RIMS2: variants seen among roughly 807,000 people sequenced by gnomAD.
RIMS2 encodes the protein regulating synaptic membrane exocytosis 2, also known as regulating synaptic membrane exocytosis protein 2.
In RIMS2, 59 loss-of-function variants were observed where a neutral mutation model predicts 174.4. The observed-to-expected ratio is 0.34, with a 90% confidence interval of 0.27 to 0.42. The LOEUF (loss-of-function observed/expected upper bound fraction) is 0.42. Among genes scored for constraint, RIMS2 ranks in the 10% least tolerant of loss-of-function variants. The probability of loss-of-function intolerance (pLI) is 1.00; values close to 1 mark genes in which losing one functional copy is unlikely to be tolerated. For missense variants in RIMS2, 1,620 were observed against 1,666.3 expected (o/e 0.97, Z 0.48); for synonymous variants, 606 against 572.5 (o/e 1.06, Z -0.84).
chr8:103,609,568 CA>C (rs1279372277), intron 1 of RIMS2, among the ~76,000 whole-genome samples: 2 of 152,170 alleles, frequency 1.3e-5, no homozygotes, highest in Non-Finnish European at 2.9e-5. Flanking sequence ...CAATTTTCTG[CA>C]AACACTATAG....
At chr8:103,790,557 T>C (rs1400363310) in intron 3 of RIMS2, among the ~76,000 whole-genome samples, 1 of 152,212 alleles carries the variant, frequency 6.6e-6, no homozygotes, top group Non-Finnish European at 1.5e-5. Context: ...TATAGACATT[T>C]GTGTGTAACT....
intron 19 of RIMS2, among the ~76,000 whole-genome samples, chr8:104,193,927 A>T (rs937580781): frequency 6.6e-6 from 1 of 152,062 alleles, no homozygotes; most frequent in African/African-American, 2.4e-5. Flanking sequence ...TGTCATCTGG[A>T]AGGTTTTTAT....
chr8:104,104,209 G>A (rs921931423), intron 19 of RIMS2, among the ~76,000 whole-genome samples: 6 of 152,180 alleles, frequency 3.9e-5, no homozygotes, highest in Admixed American at 6.5e-5. Context: ...GGGGTTTGAA[G>A]ATTTGGAATA....
At chr8:104,222,758 A>G (rs188136365) in intron 19 of RIMS2, among the ~76,000 whole-genome samples, 2 of 152,352 alleles carry the variant, frequency 1.3e-5, no homozygotes, top group East Asian at 3.9e-4. Context: ...AAGCCGTACA[A>G]TGTTGTCATT....
intron 1 of RIMS2, among the ~76,000 whole-genome samples, chr8:103,557,333 G>A (rs945126773): frequency 6.6e-6 from 1 of 152,102 alleles, no homozygotes; most frequent in Non-Finnish European, 1.5e-5. Flanking sequence ...AGGCTCTTCT[G>A]AACTGCCAGC....
intron 17 of RIMS2, among the ~76,000 whole-genome samples, chr8:103,992,051 T>C (rs181672349): frequency 6.6e-6 from 1 of 152,274 alleles, no homozygotes; most frequent in East Asian, 1.9e-4. Context: ...ATGTGCTTAG[T>C]AAACAAGAAA....
intron 19 of RIMS2, among the ~76,000 whole-genome samples, chr8:104,141,875 A>G (rs2098579945): frequency 6.6e-6 from 1 of 152,120 alleles, no homozygotes; most frequent in Non-Finnish European, 1.5e-5. Context: ...GTTGTTGCCA[A>G]ACTTTTCAGT....
chr8:103,632,167 T>TA (rs1038804614), intron 1 of RIMS2, among the ~76,000 whole-genome samples: 13 of 152,134 alleles, frequency 8.5e-5, no homozygotes, highest in African/African-American at 2.9e-4. Flanking sequence ...CTGTGTTCAA[T>TA]AGGAGTAGTG....
chr8:104,130,550 G>A (rs1471205132), intron 19 of RIMS2, among the ~76,000 whole-genome samples: 1 of 152,128 alleles, frequency 6.6e-6, no homozygotes, highest in Non-Finnish European at 1.5e-5. Flanking sequence ...ATGGGCTTGG[G>A]AGCCTTGCCA....
chr8:104,189,938 A>G (rs191287953), intron 19 of RIMS2, among the ~76,000 whole-genome samples: 2 of 152,126 alleles, frequency 1.3e-5, no homozygotes, highest in East Asian at 3.9e-4. Context: ...AGGGTCTCAC[A>G]TCATCTTCAA....
chr8:103,886,264 T>A (rs751577238), intron 4 of RIMS2, 41 bp downstream of exon 7: 1 of 1,520,058 alleles, frequency 6.6e-7, no homozygotes, highest in Admixed American at 2.0e-5. Context: ...ATTGATTAGA[T>A]AAGCGTTTTT....
At chr8:103,820,555 A>T (rs1041444552) in intron 3 of RIMS2, among the ~76,000 whole-genome samples, 1 of 151,912 alleles carries the variant, frequency 6.6e-6, no homozygotes, top group Non-Finnish European at 1.5e-5. Flanking sequence ...TATTTTGGAG[A>T]TTAAAAAAAT....
chr8:103,922,652 A>G, intron 10 of RIMS2: 1 of 403,052 alleles, frequency 2.5e-6, no homozygotes, highest in South Asian at 1.8e-5. Context: ...GTTACAGTTA[A>G]AAACTAAATT....
At chr8:103,864,409 G>A (rs1211066196) in intron 3 of RIMS2, among the ~76,000 whole-genome samples, 1 of 152,046 alleles carries the variant, frequency 6.6e-6, no homozygotes, top group Non-Finnish European at 1.5e-5. Flanking sequence ...GTTGATTTCT[G>A]TGTTAATTTT....
intron 19 of RIMS2, among the ~76,000 whole-genome samples, chr8:104,106,195 G>C (rs957054833): frequency 1.3e-5 from 2 of 152,004 alleles, no homozygotes; most frequent in African/African-American, 4.8e-5. Flanking sequence ...ATGCCTCCCA[G>C]AGTGTTGGGA....
intron 15 of RIMS2, among the ~76,000 whole-genome samples, chr8:103,963,246 A>G (rs1305512321): frequency 6.6e-6 from 1 of 152,270 alleles, no homozygotes; most frequent in East Asian, 1.9e-4. Context: ...CAATGTATAC[A>G]TATACAAAAT....
chr8:103,742,587 T>C (rs1442962830), intron 2 of RIMS2, among the ~76,000 whole-genome samples: 1 of 152,172 alleles, frequency 6.6e-6, no homozygotes, highest in East Asian at 1.9e-4. Flanking sequence ...ATATAAGATT[T>C]CCTAGCTTTA....
intron 1 of RIMS2, among the ~76,000 whole-genome samples, chr8:103,527,098 T>C (rs1180147499): frequency 6.6e-6 from 1 of 152,204 alleles, no homozygotes; most frequent in Non-Finnish European, 1.5e-5. Flanking sequence ...AGACAATGGA[T>C]TTATGTCTTC....
intron 3 of RIMS2, chr8:103,819,238 C>T: frequency 2.4e-6 from 3 of 1,261,854 alleles, no homozygotes; most frequent in Non-Finnish European, 2.0e-6. Flanking sequence ...GCTGGGAATG[C>T]CCAAAAAGCT....
Sources: gnomAD v4.1 joint callset for allele counts (sites outside exome capture counted in the v4.1 genomes callset) on GRCh38, gnomAD v4.1.1 for gene constraint, MANE v1.5 for transcripts, NCBI Gene and HGNC (gene_info 2026-07-23, HGNC 2026-07-21) for gene names.